Variants in DNAJB13 observed in about 807,000 individuals in gnomAD.
The protein encoded by DNAJB13 is DnaJ heat shock protein family (Hsp40) member B13.
DNAJB13 carries 22 observed loss-of-function variants against 35.6 expected under a neutral mutation model. The observed-to-expected ratio is 0.62, with a 90% CI of 0.44 to 0.88. The LOEUF (loss-of-function observed/expected upper bound fraction) is 0.88. DNAJB13 is among the 40% of genes least tolerant of loss of function. DNAJB13 has a pLI of 0.00. For missense variants in DNAJB13, 370 were observed against 384.3 expected, an observed-to-expected ratio of 0.96 and a Z score of 0.31; for synonymous variants, 136 against 144.2, an observed-to-expected ratio of 0.94 and a Z score of 0.41.
rs983543245 is a variant in DNAJB13, at chr11:73,969,371, G to C, written c.797+49G>C. 6 of 861,468 alleles carry C rather than the reference G, an allele frequency of 7.0e-6. No individual in the cohort carries two copies. The African/African-American group carries it at 8.2e-5, about 12-fold the overall frequency. 53.4% of individuals were successfully genotyped at this position (861,468 alleles called of 1,614,324 possible). On this transcript the variant is annotated intron_variant, in intron 7 of 7. Transcript: ENST00000339764. ...CAGTAGCCAAGAGAAGGGCTAGCCT[G>C]GGATTTAGGTGGTAGTGTGACAGGT...
Position 73,968,164 on chromosome 11 carries a change from T to C in DNAJB13, c.607-181T>C, listed in dbSNP as rs190626483. 4.5e-3 allele frequency: 2,756 copies of C among 614,864 alleles called. 60 individuals carry two copies. The African/African-American group carries it at 0.047, about 10-fold the overall frequency. 38.1% of individuals were successfully genotyped at this position (614,864 alleles called of 1,614,324 possible). On this transcript the variant is annotated intron_variant, in intron 5 of 7. Transcript: ENST00000339764. ...GTAATTCTGGGGGGATTCATTTGGG[T>C]AAGCTTCTCGGGCTTCTAATCCATC...
intron 3 of DNAJB13, 66 bp from the exon 4 acceptor site, chr11:73,964,812 T>TGTGTGA: frequency 4.3e-6 from 3 of 696,396 alleles, no homozygotes; most frequent in Non-Finnish European, 4.5e-6. Flanking sequence ...TGTGTGTGTG[T>TGTGTGA]GCGCGCGCGC....
chr11:73,959,971 C>T, intron 3 of DNAJB13: 1 of 162,280 alleles, frequency 6.2e-6, no homozygotes. Context: ...CACCATGTTG[C>T]CCAGGCTGGT....
chr11:73,954,000 A>AAAT (rs71467812), intron 1 of DNAJB13, among the ~76,000 whole-genome samples: 18,851 of 136,294 alleles, frequency 0.14, 1,389 homozygotes, highest in Middle Eastern at 0.17. Context: ...AATAATAATA[A>AAAT]AATAATAATA....
At chr11:73,959,330 G>T (rs1178716805) in intron 2 of DNAJB13, among the ~76,000 whole-genome samples, 164 bp from the exon 3 acceptor site, 5 of 144,660 alleles carry the variant, frequency 3.5e-5, no homozygotes, top group Non-Finnish European at 7.7e-5. Flanking sequence ...GAAATGGAAC[G>T]CCTGACTCCT....
intron 5 of DNAJB13, among the ~76,000 whole-genome samples, chr11:73,966,845 ATTTT>A (rs770257573): frequency 1.0e-5 from 1 of 98,242 alleles, no homozygotes; most frequent in African/African-American, 4.7e-5. Flanking sequence ...CGCCCAGCTA[ATTTT>A]TTTTTTTTTT....
At chr11:73,964,791 GTGTGTGTGT>G in intron 3 of DNAJB13, 78 bp from the exon 4 acceptor site, 1 of 889,038 alleles carries the variant, frequency 1.1e-6, no homozygotes, top group Non-Finnish European at 1.7e-6. Flanking sequence ...GTGTGTGTGT[GTGTGTGTGT>G]GTGTGTGTGT....
intron 4 of DNAJB13, chr11:73,965,399 C>T (rs1280277652): frequency 5.6e-6 from 1 of 179,034 alleles, no homozygotes; most frequent in East Asian, 1.6e-4. Flanking sequence ...CCCAGGATTT[C>T]ATCAGGGTGC....
intron 6 of DNAJB13, among the ~76,000 whole-genome samples, chr11:73,968,736 A>G (rs1951196658): frequency 6.6e-6 from 1 of 151,164 alleles, no homozygotes; most frequent in Admixed American, 6.6e-5. Flanking sequence ...ACCCTGCCAC[A>G]CTCCTGTCTA....
At chr11:73,953,383 G>A (rs1591167658) in intron 1 of DNAJB13, among the ~76,000 whole-genome samples, 4 of 152,200 alleles carry the variant, frequency 2.6e-5, no homozygotes, top group Admixed American at 2.6e-4. Context: ...AGAAGGAAGA[G>A]CTTTATTCAG....
intron 1 of DNAJB13, among the ~76,000 whole-genome samples, chr11:73,957,364 G>A (rs772613911): frequency 6.6e-6 from 1 of 152,206 alleles, no homozygotes; most frequent in Non-Finnish European, 1.5e-5. Flanking sequence ...TGGGAAAACT[G>A]CACTCCGCTG....
At chr11:73,964,810 T>TGTGTGC (rs1554992063) in intron 3 of DNAJB13, 68 bp from the exon 4 acceptor site, 14 of 705,628 alleles carry the variant, frequency 2.0e-5, no homozygotes, top group Middle Eastern at 4.3e-4. Context: ...TGTGTGTGTG[T>TGTGTGC]GTGCGCGCGC....
chr11:73,959,273 C>T (rs1236720930), intron 2 of DNAJB13, among the ~76,000 whole-genome samples: 4 of 152,158 alleles, frequency 2.6e-5, no homozygotes, highest in Admixed American at 6.5e-5. Flanking sequence ...AAGGCTTTCC[C>T]GTCTCTCTTC....
intron 1 of DNAJB13, among the ~76,000 whole-genome samples, chr11:73,955,601 C>A (rs1950718693): frequency 6.6e-6 from 1 of 151,930 alleles, no homozygotes; most frequent in Non-Finnish European, 1.5e-5. Flanking sequence ...CTGAGATGGG[C>A]AGATCACTTG....
At chr11:73,951,180 A>T (rs190365274) in intron 1 of DNAJB13, 43 bp downstream of exon 1, 2 of 1,610,822 alleles carry the variant, frequency 1.2e-6, no homozygotes, top group East Asian at 4.5e-5. Context: ...GTGCTGGGGC[A>T]GGCCCTGCCC....
At chr11:73,968,297 G>T in intron 5 of DNAJB13, 48 bp from the exon 6 acceptor site, 4 of 1,558,488 alleles carry the variant, frequency 2.6e-6, no homozygotes, top group Non-Finnish European at 3.5e-6. Context: ...CTTGGCCAAG[G>T]TCACACGGCC....
intron 1 of DNAJB13, among the ~76,000 whole-genome samples, chr11:73,955,628 A>G (rs1186364666): frequency 1.3e-5 from 2 of 151,792 alleles, no homozygotes; most frequent in Admixed American, 6.6e-5. Context: ...GGAGTTTGAG[A>G]CCAGCATGGC....
rs1950819983 is a variant in DNAJB13 at position 73,958,330 on chromosome 11, G to A, written c.82G>A (p.Ala28Thr). The change falls in exon 2 of 8, where the codon GCC becomes ACC. Residue 28 changes from alanine to threonine, a missense_variant. By Grantham distance (58) the Ala-to-Thr change is moderately conservative. Transcript: ENST00000339764. ...TCCCTCTTCCAGGTACCGCAGACTC[G>A]CCCTTAAGCACCACCCGTTGAAGTC... ...AQIKQAYRRL[A>T]LKHHPLKSNE... The A allele has an allele frequency of 1.9e-6, 3 of 1,614,022 alleles. No individual in the cohort carries two copies. The highest frequency in any genetic ancestry group is 2.5e-6 in the Non-Finnish European group (3 of 1,180,002).
At chr11:73,955,333 G>T (rs1950711043) in intron 1 of DNAJB13, among the ~76,000 whole-genome samples, 1 of 148,436 alleles carries the variant, frequency 6.7e-6, no homozygotes. Context: ...TTTTGAAACG[G>T]AGTCTCTCTC....
Sources: gnomAD v4.1 joint callset for allele counts (sites outside exome capture counted in the v4.1 genomes callset) on GRCh38, gnomAD v4.1.1 for gene constraint, MANE v1.5 for transcripts, NCBI Gene and HGNC (gene_info 2026-07-23, HGNC 2026-07-21) for gene names.